CTDP1: variants seen among roughly 807,000 people sequenced by gnomAD.
CTDP1 encodes the protein CTD phosphatase 1.
Under a neutral mutation model 91.8 loss-of-function variants are expected in CTDP1, and 47 were observed. That is an observed-to-expected ratio of 0.51 (90% CI 0.41 to 0.65). The LOEUF is 0.65. Ranked by LOEUF, CTDP1 falls within the 30% of genes least tolerant of loss-of-function variation. The pLI is 0.00. For synonymous variants in CTDP1, 656 were observed against 598.5 expected (o/e 1.10, Z -1.40); for missense variants, 1,272 against 1,373.7 (o/e 0.93, Z 1.17).
chr18:79,685,771 G>T (rs1350786875), intron 1 of CTDP1, among the ~76,000 whole-genome samples: 1 of 152,144 alleles, frequency 6.6e-6, no homozygotes, highest in Non-Finnish European at 1.5e-5. Flanking sequence ...CACGAACGTC[G>T]TCACCTAAGG....
chr18:79,681,811 G>A (rs1013517315), intron 1 of CTDP1, among the ~76,000 whole-genome samples: 3 of 152,158 alleles, frequency 2.0e-5, no homozygotes, highest in African/African-American at 7.2e-5. Flanking sequence ...GTCCATGGGC[G>A]GCAGGTAAAT....
chr18:79,736,037 A>G lies in CTDP1; in HGVS notation c.2581-318A>G, dbSNP rs927770389. On this transcript the variant is annotated intron_variant, in intron 11 of 12. Transcript: ENST00000613122. Reference sequence around the variant, plus strand: ...TTGATCTTGAAAATTTCAAGCAAATATTCTGATTATTCACCATAAAATCCA... The same window carrying G: ...TTGATCTTGAAAATTTCAAGCAAATGTTCTGATTATTCACCATAAAATCCA... 4.7e-5 allele frequency: 17 copies of G among 359,708 alleles called. No homozygotes were observed. In the East Asian group the frequency reaches 4.7e-4, roughly 10 times the overall value. The allele number at this position is 359,708 out of a possible 1,614,324, so 22.3% of individuals were successfully genotyped here. A position where few individuals can be genotyped will look rare whatever the true frequency, so the allele number is the denominator to read the frequency against.
intron 10 of CTDP1, among the ~76,000 whole-genome samples, chr18:79,720,553 G>T (rs1215634979): frequency 6.6e-6 from 1 of 152,070 alleles, no homozygotes; most frequent in African/African-American, 2.4e-5. Context: ...TTCTGGTGAT[G>T]ATGTCACCTC....
At position 79,705,311 on chromosome 18, in the gene CTDP1, G is replaced by C. The variant is rs1168755859; in HGVS notation, c.772+394G>C. ...CATGATTGTCCCCTGCCTACACATG[G>C]GTACCCTTAGGGTTTAGCGTTTGCT... On this transcript the variant is annotated intron_variant, in intron 5 of 12. Coordinates refer to ENST00000613122, the MANE Select transcript of CTDP1 (RefSeq NM_004715.5). 3.3e-5 allele frequency among the ~76,000 whole-genome samples: 5 copies of C among 152,308 alleles called. No homozygotes were observed. The East Asian group carries it at 9.6e-4, about 29-fold the overall frequency.
rs900402032 is a variant in CTDP1 at position 79,723,602 on chromosome 18, T to C, written c.2418-5305T>C. Among the ~76,000 whole-genome samples, 88 of 152,224 alleles carry C rather than the reference T, an allele frequency of 5.8e-4. 2 individuals are homozygous for C. The highest frequency in any genetic ancestry group is 6.8e-3 in the Middle Eastern group (2 of 294). ...TTTTTTGGTTAGACTTTTTGAGATATTTGTAGATATATATGCAGTGATAAT... is the reference window on the plus strand; with the variant it reads ...TTTTTTGGTTAGACTTTTTGAGATACTTGTAGATATATATGCAGTGATAAT... On this transcript the variant is annotated intron_variant, in intron 10 of 12. Coordinates refer to ENST00000613122, the MANE Select transcript of CTDP1 (RefSeq NM_004715.5).
intron 11 of CTDP1, among the ~76,000 whole-genome samples, chr18:79,731,970 C>CA (rs1406005386): frequency 6.6e-6 from 1 of 151,574 alleles, no homozygotes; most frequent in Non-Finnish European, 1.5e-5. Flanking sequence ...CATGAGAACT[C>CA]ACTAACATGA....
chr18:79,721,917 A>G (rs935274502), intron 10 of CTDP1, among the ~76,000 whole-genome samples: 3 of 151,098 alleles, frequency 2.0e-5, no homozygotes, highest in Admixed American at 6.6e-5. Context: ...TCCGCCTCCC[A>G]GGTTCAAGCA....
rs186961301 is a variant in CTDP1 at position 79,735,365 on chromosome 18, C to T, written c.2581-990C>T. ...CCTCACCTGCCTGTCTCAGGGACCACGGGGCTGTGCCGTCGCACACAGACG... is the reference window on the plus strand; with the variant it reads ...CCTCACCTGCCTGTCTCAGGGACCATGGGGCTGTGCCGTCGCACACAGACG... On this transcript the variant is annotated intron_variant, in intron 11 of 12. Transcript: ENST00000613122. Among the ~76,000 whole-genome samples the T allele has an allele frequency of 1.8e-4, 28 of 152,326 alleles. 1 individual carries two copies. Among genetic ancestry groups the T allele is most frequent in the South Asian group, 1.4e-3 (7 of 4,828 alleles).
rs919661111 is a variant in CTDP1 at position 79,715,072 on chromosome 18, C to A, written c.1612C>A (p.Arg538=). The part of the protein sequence containing the change: ...PELGGQEEGE[R]DGLCGLGNGC... The stretch of plus-strand genomic sequence containing the variant: ...GCTGGGTGGGCAGGAGGAGGGCGAG[C>A]GGGATGGCCTCTGCGGCCTGGGCAA... The change falls in exon 8 of 13, where the codon CGG becomes AGG. Residue 538 remains arginine (R), a synonymous_variant. Coordinates refer to ENST00000613122, the MANE Select transcript of CTDP1 (RefSeq NM_004715.5). The A allele has an allele frequency of 6.2e-7, 1 of 1,612,336 alleles. No individual in the cohort carries two copies.
Position 79,729,063 on chromosome 18 carries a change from C to T in CTDP1, c.2574C>T (p.Asp858=). The change falls in exon 11 of 13, where the codon GAC becomes GAT. Residue 858 remains aspartate, a synonymous_variant. Transcript: ENST00000613122. ...TLCKEDLESM[D]KEVDDILGEG... ...GTAAGGAGGATTTAGAGAGTATGGA[C>T]AAAGAGGTGAGCCAACCCCACGCCC... is the stretch of plus-strand genomic sequence containing the variant. 1 of 1,613,208 alleles carries T rather than the reference C, an allele frequency of 6.2e-7. No individual in the cohort carries two copies. Among genetic ancestry groups the T allele is most frequent in the Middle Eastern group, 1.9e-4 (1 of 5,306 alleles).
intron 1 of CTDP1, among the ~76,000 whole-genome samples, chr18:79,688,876 A>T (rs2085563791): frequency 6.6e-6 from 1 of 152,246 alleles, no homozygotes; most frequent in Non-Finnish European, 1.5e-5. Context: ...TTGACCTTAA[A>T]GTTGCAAGAA....
In CTDP1 at chr18:79,729,898, T is replaced by C. The variant is rs575304163; in HGVS notation, c.2580+829T>C. Among the ~76,000 whole-genome samples the C allele has an allele frequency of 1.5e-3, 236 of 152,340 alleles. 1 individual carries two copies. Among genetic ancestry groups the C allele is most frequent in the Middle Eastern group, 0.014 (4 of 294 alleles). ...GCCGTCCCCTTCCCTCAGGTCTTCA[T>C]GTTCCCACCAGAGCCTATCCTCCCT... is the stretch of plus-strand genomic sequence containing the variant. On this transcript the variant is annotated intron_variant, in intron 11 of 12. Transcript: ENST00000613122.
rs1013649341 is a variant in CTDP1, at chr18:79,737,169, G to A, written c.2747+648G>A. 2.6e-5 allele frequency among the ~76,000 whole-genome samples: 4 copies of A among 152,242 alleles called. 1 individual carries two copies. Among genetic ancestry groups the A allele is most frequent in the Non-Finnish European group, 4.4e-5 (3 of 68,046 alleles). On this transcript the variant is annotated intron_variant, in intron 12 of 12. Transcript: ENST00000613122. The stretch of plus-strand genomic sequence containing the variant: ...TTTTCGGGCGTTTGGCCGCAACAGC[G>A]CACTCTAAACGCTGCTCACCTGCTC...
intron 5 of CTDP1, among the ~76,000 whole-genome samples, chr18:79,708,115 C>T (rs933083501): frequency 2.0e-5 from 3 of 152,100 alleles, no homozygotes; most frequent in Non-Finnish European, 2.9e-5. Flanking sequence ...TATCAGGGAA[C>T]GGAAAGCTCC....
chr18:79,738,154 T>C (rs1268413882), intron 12 of CTDP1, among the ~76,000 whole-genome samples: 1 of 152,172 alleles, frequency 6.6e-6, no homozygotes, highest in African/African-American at 2.4e-5. Flanking sequence ...TGTCCATACG[T>C]CCGCAGTCAG....
intron 1 of CTDP1, among the ~76,000 whole-genome samples, chr18:79,684,959 G>T (rs2510275): frequency 5.4e-5 from 2 of 36,888 alleles, no homozygotes; most frequent in Admixed American, 3.2e-4. Flanking sequence ...CTCTACTCCC[G>T]GTTTCTCTGC....
At position 79,710,448 on chromosome 18, in the gene CTDP1, G is replaced by C; in HGVS notation, c.863+12G>C. The C allele has an allele frequency of 6.3e-7, 1 of 1,585,388 alleles. No individual in the cohort carries two copies. Among genetic ancestry groups the C allele is most frequent in the East Asian group, 2.2e-5 (1 of 44,716 alleles). On this transcript the variant is annotated intron_variant, in intron 6 of 12. Transcript: ENST00000613122. ...ACGGGAAACCTTAGGTATGTACCCA[G>C]CCGCGCTCCTCACAAAGACCTCGCT...
chr18:79,749,860 G>T (rs932430779), intron 12 of CTDP1: 4 of 152,346 alleles, frequency 2.6e-5, no homozygotes, highest in African/African-American at 9.6e-5. Context: ...AGCCGTCAGC[G>T]TGTATGCGGA....
At chr18:79,697,801 G>A in intron 3 of CTDP1, 59 bp from the exon 4 acceptor site, 1 of 1,611,406 alleles carries the variant, frequency 6.2e-7, no homozygotes, top group South Asian at 1.1e-5. Context: ...ATGAAATGGA[G>A]TTTTACCTTG....
Sources: gnomAD v4.1 joint callset for allele counts (sites outside exome capture counted in the v4.1 genomes callset) on GRCh38, gnomAD v4.1.1 for gene constraint, MANE v1.5 for transcripts, NCBI Gene and HGNC (gene_info 2026-07-23, HGNC 2026-07-21) for gene names.